Variants in EPHB2 observed in about 807,000 individuals in gnomAD.
EPHB2 encodes ephrin type-B receptor 2.
Under a neutral mutation model 96.4 loss-of-function variants are expected in EPHB2, and 18 were observed. The observed-to-expected ratio is 0.19, with a 90% CI of 0.13 to 0.28. EPHB2 has a LOEUF of 0.28. Ranked by LOEUF, EPHB2 falls within the 10% of genes least tolerant of loss-of-function variation. The probability of loss-of-function intolerance (pLI) is 1.00; values close to 1 mark genes in which losing one functional copy is unlikely to be tolerated. For missense variants in EPHB2, 989 were observed against 1,355.4 expected (o/e 0.73, Z 4.25); for synonymous variants, 506 against 534.1 (o/e 0.95, Z 0.72).
At chr1:22,713,858 A>C (rs1244693451) in intron 1 of EPHB2, among the ~76,000 whole-genome samples, 2 of 152,132 alleles carry the variant, frequency 1.3e-5, no homozygotes, top group Non-Finnish European at 2.9e-5. Context: ...TTTCTAGGTT[A>C]GGACGGTAAG....
intron 3 of EPHB2, among the ~76,000 whole-genome samples, chr1:22,785,738 G>T (rs1356453921): frequency 6.6e-6 from 1 of 152,250 alleles, no homozygotes; most frequent in Non-Finnish European, 1.5e-5. Flanking sequence ...GCCAAAGCAA[G>T]TCACAAGGTT....
intron 3 of EPHB2, among the ~76,000 whole-genome samples, chr1:22,789,453 T>A (rs1644660991): frequency 6.6e-6 from 1 of 152,160 alleles, no homozygotes; most frequent in African/African-American, 2.4e-5. Context: ...CCCAGTGCAG[T>A]GAGTGGGCTA....
At chr1:22,894,027 T>C (rs1639473863) in intron 7 of EPHB2, among the ~76,000 whole-genome samples, 1 of 152,190 alleles carries the variant, frequency 6.6e-6, no homozygotes, top group South Asian at 2.1e-4. Flanking sequence ...TCTTGCCTTA[T>C]CACAAAAATC....
chr1:22,744,655 G>C (rs1570193893), intron 1 of EPHB2, among the ~76,000 whole-genome samples: 1 of 116,150 alleles, frequency 8.6e-6, no homozygotes, highest in South Asian at 3.2e-4. Context: ...CTGGGCGACA[G>C]AGTGAGACAT....
At chr1:22,751,567 C>G (rs1286753816) in intron 1 of EPHB2, among the ~76,000 whole-genome samples, 5 of 152,226 alleles carry the variant, frequency 3.3e-5, no homozygotes, top group Non-Finnish European at 7.3e-5. Context: ...CCTTCCCTAC[C>G]TTTACGCCTT....
intron 3 of EPHB2, among the ~76,000 whole-genome samples, chr1:22,825,102 C>T (rs1011180625): frequency 1.3e-5 from 2 of 152,258 alleles, no homozygotes; most frequent in Non-Finnish European, 2.9e-5. Flanking sequence ...CGTAAACTGA[C>T]CATACTTTCT....
chr1:22,863,020 C>T lies in EPHB2; in HGVS notation c.812-17C>T. 1 of 1,614,166 alleles carries T rather than the reference C, an allele frequency of 6.2e-7. No homozygotes were observed. ...TTCATCCAGTTTCCTGGTGACTCTC[C>T]TTGTCTTCTCTCTCAGGTTGTCCAT... On this transcript the variant is annotated splice_polypyrimidine_tract_variant and intron_variant, in intron 3 of 15. Coordinates refer to ENST00000374630, the MANE Select transcript of EPHB2 (RefSeq NM_017449.5).
chr1:22,863,282 G>A (rs1003339055), intron 4 of EPHB2, 90 bp downstream of exon 4: 62 of 1,586,992 alleles, frequency 3.9e-5, no homozygotes, highest in Non-Finnish European at 5.3e-5. Context: ...GTGCCGTCCG[G>A]TTACAGCCAG....
intron 9 of EPHB2, among the ~76,000 whole-genome samples, chr1:22,901,806 T>TGTGTGTGTGTGA (rs1240857128): frequency 7.5e-6 from 1 of 133,774 alleles, no homozygotes; most frequent in African/African-American, 3.0e-5. Flanking sequence ...TTTAACTTCG[T>TGTGTGTGTGTGA]GTGTGTGTGT....
intron 1 of EPHB2, among the ~76,000 whole-genome samples, chr1:22,750,735 CAT>C (rs1341986644): frequency 4.6e-5 from 7 of 152,220 alleles, no homozygotes; most frequent in African/African-American, 1.7e-4. Context: ...ATTTAACAAA[CAT>C]ACAAATGGCA....
At position 22,857,307 on chromosome 1, in the gene EPHB2, A is replaced by G. The variant is rs1645715342; in HGVS notation, c.812-5730A>G. On this transcript the variant is annotated intron_variant, in intron 3 of 15. Transcript: ENST00000374630. Reference sequence around the variant, plus strand: ...TTTAATAGCACACCACTGCATATGGAGCATGTCTTGGGTGCTACAGCGGAG... The same window carrying G: ...TTTAATAGCACACCACTGCATATGGGGCATGTCTTGGGTGCTACAGCGGAG... Among the ~76,000 whole-genome samples, 3 of 152,110 alleles carry G rather than the reference A, an allele frequency of 2.0e-5. No individual in the cohort carries two copies. In the South Asian group the frequency reaches 6.2e-4, roughly 32 times the overall value.
At chr1:22,727,459 C>T (rs955000807) in intron 1 of EPHB2, among the ~76,000 whole-genome samples, 5 of 152,236 alleles carry the variant, frequency 3.3e-5, no homozygotes, top group Non-Finnish European at 7.3e-5. Flanking sequence ...CTCCTTGAGC[C>T]AGGGAATGGT....
chr1:22,795,881 G>C (rs1644760340), intron 3 of EPHB2, among the ~76,000 whole-genome samples: 1 of 152,058 alleles, frequency 6.6e-6, no homozygotes. Context: ...AGGTTTTCCG[G>C]GACCTGTTAC....
At chr1:22,780,605 C>A (rs142172709) in intron 1 of EPHB2, among the ~76,000 whole-genome samples, 72 of 152,282 alleles carry the variant, frequency 4.7e-4, no homozygotes, top group African/African-American at 1.6e-3. Flanking sequence ...ACAAGCACAG[C>A]CCCTCTAAGG....
intron 3 of EPHB2, among the ~76,000 whole-genome samples, chr1:22,791,302 A>T (rs1644687950): frequency 6.6e-6 from 1 of 152,180 alleles, no homozygotes; most frequent in South Asian, 2.1e-4. Context: ...GGAAGAAATT[A>T]AAATCACCCA....
intron 3 of EPHB2, among the ~76,000 whole-genome samples, chr1:22,813,643 G>A: frequency 6.6e-6 from 1 of 152,238 alleles, no homozygotes; most frequent in Non-Finnish European, 1.5e-5. Flanking sequence ...CCTGAATGAA[G>A]TGTCCCAGAT....
chr1:22,729,632 G>C (rs1643659164), intron 1 of EPHB2, among the ~76,000 whole-genome samples: 2 of 152,152 alleles, frequency 1.3e-5, no homozygotes, highest in Admixed American at 1.3e-4. Context: ...CTGGAATGCT[G>C]TTCCCTTATC....
At chr1:22,868,601 G>A (rs1028769926) in intron 5 of EPHB2, among the ~76,000 whole-genome samples, 3 of 152,170 alleles carry the variant, frequency 2.0e-5, no homozygotes, top group African/African-American at 7.2e-5. Flanking sequence ...TCCTTGGACT[G>A]GCAGCCACCC....
At chr1:22,785,855 C>T (rs997999297) in intron 3 of EPHB2, among the ~76,000 whole-genome samples, 6 of 152,212 alleles carry the variant, frequency 3.9e-5, no homozygotes, top group East Asian at 1.9e-4. Context: ...TCATTTAATC[C>T]TCACAAGGAC....
Sources: gnomAD v4.1 joint callset for allele counts (sites outside exome capture counted in the v4.1 genomes callset) on GRCh38, gnomAD v4.1.1 for gene constraint, MANE v1.5 for transcripts, NCBI Gene and HGNC (gene_info 2026-07-23, HGNC 2026-07-21) for gene names.